The following TBC1D32 variants were observed in gnomAD, a reference collection of about 807,000 sequenced individuals.
The protein encoded by TBC1D32 is protein broad-minded.
TBC1D32 carries 151 observed loss-of-function variants against 170.3 expected under a neutral mutation model. That is an observed-to-expected ratio of 0.89 (90% CI 0.78 to 1.01). The LOEUF (loss-of-function observed/expected upper bound fraction) is 1.01, where lower values mean the gene tolerates loss of function less well. TBC1D32 is among the 50% of genes least tolerant of loss of function. TBC1D32 has a pLI of 0.00. For missense variants in TBC1D32, 1,464 were observed against 1,457.1 expected, an observed-to-expected ratio of 1.00 and a Z score of -0.08; for synonymous variants, 498 against 488.0, an observed-to-expected ratio of 1.02 and a Z score of -0.27.
At chr6:121,099,993 C>G (rs1462361424) in intron 30 of TBC1D32, among the ~76,000 whole-genome samples, 1 of 151,828 alleles carries the variant, frequency 6.6e-6, no homozygotes, top group East Asian at 1.9e-4. Context: ...CTTTGTTAGT[C>G]AAGTTTTAAA....
intron 3 of TBC1D32, among the ~76,000 whole-genome samples, chr6:121,317,287 T>C (rs915724872): frequency 5.9e-5 from 9 of 152,154 alleles, no homozygotes; most frequent in Non-Finnish European, 1.3e-4. Context: ...CACCAAGAAT[T>C]ATCTCAGATA....
At chr6:121,099,067 T>C (rs1254462914) in intron 30 of TBC1D32, among the ~76,000 whole-genome samples, 1 of 152,036 alleles carries the variant, frequency 6.6e-6, no homozygotes, top group African/African-American at 2.4e-5. Flanking sequence ...TCTATAATCC[T>C]GCTTTCATAA....
intron 26 of TBC1D32, 119 bp from the exon 27 acceptor site, chr6:121,115,360 C>T: frequency 1.6e-6 from 1 of 644,364 alleles, no homozygotes; most frequent in Non-Finnish European, 2.4e-6. Flanking sequence ...TTTGAAAACA[C>T]TGATGAATTT....
Position 121,132,257 on chromosome 6 carries a change from A to C in TBC1D32, c.2774-505T>G, listed in dbSNP as rs1379386278. 4.6e-5 allele frequency among the ~76,000 whole-genome samples: 7 copies of C among 152,118 alleles called. No individual in the cohort carries two copies. The East Asian group carries it at 1.4e-3, about 29-fold the overall frequency. ...GGGTTAAAACATGCTATTCTGGCAT[A>C]TTGATTATTTAAATTAAAGACACTG... On this transcript the variant is annotated intron_variant, in intron 24 of 31. Transcript: ENST00000398212.
intron 31 of TBC1D32, among the ~76,000 whole-genome samples, chr6:121,089,019 A>G (rs1776539593): frequency 6.6e-6 from 1 of 152,158 alleles, no homozygotes; most frequent in African/African-American, 2.4e-5. Context: ...ATCAACATTA[A>G]TCAAATTTAA....
At chr6:121,090,723 G>T in intron 31 of TBC1D32, 130 bp downstream of exon 31, 1 of 762,362 alleles carries the variant, frequency 1.3e-6, no homozygotes, top group Non-Finnish European at 2.1e-6. Context: ...CTAAAATGGG[G>T]ATGATAATAG....
At chr6:121,322,746 G>C (rs1272392444) in intron 1 of TBC1D32, among the ~76,000 whole-genome samples, 3 of 152,118 alleles carry the variant, frequency 2.0e-5, no homozygotes, top group African/African-American at 2.4e-5. Context: ...CTTGTACATA[G>C]TAAACACTTT....
At chr6:121,188,863 T>C (rs1238688621) in intron 22 of TBC1D32, among the ~76,000 whole-genome samples, 1 of 152,164 alleles carries the variant, frequency 6.6e-6, no homozygotes, top group Non-Finnish European at 1.5e-5. Flanking sequence ...AAGATAAATG[T>C]GGGCTCTGGG....
chr6:121,172,005 CA>C (rs1357379342), intron 22 of TBC1D32, among the ~76,000 whole-genome samples: 1 of 151,962 alleles, frequency 6.6e-6, no homozygotes, highest in Non-Finnish European at 1.5e-5. Flanking sequence ...TGTTTAACCA[CA>C]AAATAAACTG....
At chr6:121,302,869 A>T (rs1327543701) in intron 9 of TBC1D32, among the ~76,000 whole-genome samples, 2 of 152,192 alleles carry the variant, frequency 1.3e-5, no homozygotes, top group East Asian at 1.9e-4. Context: ...TTTATGATAC[A>T]ACTTAGCAGA....
At chr6:121,258,270 A>AT (rs1055026278) in intron 15 of TBC1D32, among the ~76,000 whole-genome samples, 5 of 152,090 alleles carry the variant, frequency 3.3e-5, no homozygotes, top group Non-Finnish European at 7.4e-5. Flanking sequence ...ACTTTGAGGA[A>AT]TTTTTTTTAA....
chr6:121,281,704 T>G lies in TBC1D32; in HGVS notation c.1466-18A>C. 2 of 1,548,900 alleles carry G rather than the reference T, an allele frequency of 1.3e-6. No homozygotes were observed. Among genetic ancestry groups the G allele is most frequent in the Non-Finnish European group, 1.7e-6 (2 of 1,144,680 alleles). On this transcript the variant is annotated intron_variant, in intron 13 of 31. Coordinates refer to ENST00000398212, the MANE Select transcript of TBC1D32 (RefSeq NM_152730.6). Reference sequence around the variant, plus strand: ...GTAATTCTCTAATAAACAATAAATATTTTTTAATACCAAAACATTAAATAC... The same window carrying G: ...GTAATTCTCTAATAAACAATAAATAGTTTTTAATACCAAAACATTAAATAC...
chr6:121,185,128 C>A (rs564053923), intron 22 of TBC1D32, among the ~76,000 whole-genome samples: 1 of 151,754 alleles, frequency 6.6e-6, no homozygotes, highest in East Asian at 1.9e-4. Flanking sequence ...CAAATCAGTA[C>A]CTGAAGTCTC....
At chr6:121,281,159 T>C (rs1802928065) in intron 14 of TBC1D32, among the ~76,000 whole-genome samples, 1 of 150,886 alleles carries the variant, frequency 6.6e-6, no homozygotes, top group African/African-American at 2.5e-5. Context: ...AAAACAGAGT[T>C]GGTTACTAAG....
chr6:121,099,834 T>C (rs1777816994), intron 30 of TBC1D32, among the ~76,000 whole-genome samples: 1 of 151,920 alleles, frequency 6.6e-6, no homozygotes, highest in South Asian at 2.1e-4. Flanking sequence ...GTGGTTGTTA[T>C]TAAATAAATC....
intron 17 of TBC1D32, among the ~76,000 whole-genome samples, chr6:121,254,808 A>G (rs1798756426): frequency 6.6e-6 from 1 of 152,106 alleles, no homozygotes; most frequent in Non-Finnish European, 1.5e-5. Context: ...CAAAAAATCT[A>G]TTTTCCCCAT....
intron 16 of TBC1D32, among the ~76,000 whole-genome samples, chr6:121,255,685 A>G (rs548524131): frequency 5.3e-5 from 8 of 152,044 alleles, no homozygotes; most frequent in Admixed American, 2.6e-4. Context: ...AAATGGGGGG[A>G]AAAGACTTAG....
intron 27 of TBC1D32, among the ~76,000 whole-genome samples, chr6:121,114,655 T>TA (rs1358186209): frequency 1.3e-5 from 2 of 152,220 alleles, no homozygotes; most frequent in African/African-American, 4.8e-5. Context: ...ATGGGAATGT[T>TA]AAAATCCCCA....
chr6:121,202,625 A>G (rs917119172), intron 22 of TBC1D32, among the ~76,000 whole-genome samples: 8 of 151,194 alleles, frequency 5.3e-5, no homozygotes, highest in Non-Finnish European at 1.0e-4. Context: ...AAGGTCAAGG[A>G]TATTTCTTTG....
Sources: allele counts gnomAD v4.1 joint callset (sites outside exome capture counted in the v4.1 genomes callset), GRCh38; gene constraint gnomAD v4.1.1; transcripts MANE v1.5; gene names NCBI Gene and HGNC (gene_info 2026-07-23, HGNC 2026-07-21).